FBLN5: variants seen among roughly 807,000 people sequenced by gnomAD.
FBLN5 encodes fibulin 5, also known as fibulin-5.
FBLN5 carries 24 observed loss-of-function variants against 61.6 expected under a neutral mutation model. The ratio of observed to expected loss-of-function variants is 0.39; its 90% confidence interval spans 0.28 to 0.55. The LOEUF is 0.55. Ranked by LOEUF, FBLN5 falls within the 20% of genes least tolerant of loss-of-function variation. The pLI is 0.65. For missense variants in FBLN5, 470 were observed against 594.1 expected, an observed-to-expected ratio of 0.79 and a Z score of 2.17; for synonymous variants, 213 against 219.8, an observed-to-expected ratio of 0.97 and a Z score of 0.27.
Position 91,910,804 on chromosome 14 carries a change from A to G in FBLN5, c.380-15732T>C, listed in dbSNP as rs948122609. On this transcript the variant is annotated intron_variant, in intron 4 of 10. Transcript: ENST00000342058. ...TGGGGAGAAAGGGATGGCGGGGAGA[A>G]AGATGAAGGTAGAGAAGGGGAGGCA... is the stretch of plus-strand genomic sequence containing the variant. Among the ~76,000 whole-genome samples the G allele has an allele frequency of 3.9e-5, 6 of 152,078 alleles. No individual in the cohort carries two copies. In the East Asian group the frequency reaches 1.2e-3, roughly 29 times the overall value.
intron 10 of FBLN5, among the ~76,000 whole-genome samples, chr14:91,876,515 TG>T (rs201787549): frequency 0.012 from 1,896 of 152,308 alleles, 51 homozygotes; most frequent in African/African-American, 0.044. Context: ...AGAGATTATC[TG>T]GATTGTTTGA....
At chr14:91,919,603 G>T (rs1367400052) in intron 4 of FBLN5, among the ~76,000 whole-genome samples, 1 of 152,162 alleles carries the variant, frequency 6.6e-6, no homozygotes, top group Non-Finnish European at 1.5e-5. Flanking sequence ...AGGTAATTCA[G>T]TTAAAATGAG....
chr14:91,883,962 G>A (rs1332265639), intron 7 of FBLN5, among the ~76,000 whole-genome samples: 1 of 152,214 alleles, frequency 6.6e-6, no homozygotes, highest in Non-Finnish European at 1.5e-5. Context: ...CCCTGTTTGA[G>A]CCTCATTCGA....
chr14:91,878,448 G>A (rs945842406), intron 9 of FBLN5, among the ~76,000 whole-genome samples: 9 of 152,124 alleles, frequency 5.9e-5, no homozygotes, highest in African/African-American at 2.2e-4. Context: ...CTCTGTCTCT[G>A]ACCCTGCCCT....
chr14:91,894,338 G>T (rs1362322985), intron 5 of FBLN5, among the ~76,000 whole-genome samples: 1 of 128,114 alleles, frequency 7.8e-6, no homozygotes, highest in African/African-American at 2.9e-5. Context: ...AGGAGGTAGA[G>T]ATTGCAATGA....
intron 10 of FBLN5, among the ~76,000 whole-genome samples, chr14:91,876,649 C>T (rs74955613): frequency 0.055 from 8,420 of 152,128 alleles, 806 homozygotes; most frequent in African/African-American, 0.19. Context: ...GATGCAGCCA[C>T]AGTCAAGAAG....
intron 4 of FBLN5, among the ~76,000 whole-genome samples, chr14:91,920,779 T>C (rs1352042851): frequency 6.6e-6 from 1 of 152,168 alleles, no homozygotes; most frequent in Non-Finnish European, 1.5e-5. Flanking sequence ...TGGCCCCCAA[T>C]GGTAGCACGA....
Position 91,883,080 on chromosome 14 carries a change from G to A in FBLN5, c.740-4C>T, listed in dbSNP as rs778900358. 1.2e-6 allele frequency: 2 copies of A among 1,613,610 alleles called. No individual in the cohort carries two copies. The highest frequency in any genetic ancestry group is 2.2e-5 in the South Asian group (2 of 91,038). ...GAGAAGCTGCACTCGTCCATATCTG[G>A]GGTGACAAGTCACACCTGCTGTTTG... On this transcript the variant is annotated splice_polypyrimidine_tract_variant and splice_region_variant and intron_variant, in intron 7 of 10. Transcript: ENST00000342058.
intron 1 of FBLN5, chr14:91,946,717 CTCTG>C (rs1566833409): frequency 2.0e-6 from 3 of 1,535,424 alleles, no homozygotes; most frequent in Admixed American, 2.0e-5. Context: ...TTACATGTAT[CTCTG>C]TCTGCAGTTC....
chr14:91,919,181 A>C, intron 4 of FBLN5, among the ~76,000 whole-genome samples: 1 of 151,894 alleles, frequency 6.6e-6, no homozygotes, highest in East Asian at 1.9e-4. Context: ...AAATACAAAA[A>C]TTAGCTGGGC....
At chr14:91,871,336 G>A (rs1888917943) in intron 10 of FBLN5, among the ~76,000 whole-genome samples, 1 of 151,918 alleles carries the variant, frequency 6.6e-6, no homozygotes, top group South Asian at 2.1e-4. Flanking sequence ...TGATGCCTGG[G>A]AAAGGTGGAA....
intron 4 of FBLN5, 68 bp downstream of exon 4, chr14:91,936,879 G>C: frequency 6.3e-7 from 1 of 1,585,742 alleles, no homozygotes; most frequent in Non-Finnish European, 8.7e-7. Context: ...TTTGTGGTGA[G>C]CATGCCAGAT....
chr14:91,882,981 G>A lies in FBLN5; in HGVS notation c.835C>T (p.Leu279=), dbSNP rs1889546583. ...TGGCAGCTTCGGTTGTCATCCAGCA[G>A]GATGTAGCCTGGAGGGCAGGAGCAG... is the stretch of plus-strand genomic sequence containing the variant. The part of the protein sequence containing the change: ...YFCSCPPGYI[L]LDDNRSCQDI... The change falls in exon 8 of 11, where the codon CTG becomes TTG. Residue 279 remains leucine, a synonymous_variant. Coordinates refer to ENST00000342058, the MANE Select transcript of FBLN5 (RefSeq NM_006329.4). The surrounding 1 kb of genome is among the most constrained non-coding windows in gnomAD (Gnocchi z 4.9). The A allele has an allele frequency of 1.9e-6, 3 of 1,614,120 alleles. No homozygotes were observed. In the African/African-American group the frequency reaches 4.0e-5, roughly 22 times the overall value.
intron 4 of FBLN5, among the ~76,000 whole-genome samples, chr14:91,925,924 G>A (rs1324873946): frequency 1.3e-5 from 2 of 152,180 alleles, no homozygotes; most frequent in African/African-American, 4.8e-5. Flanking sequence ...CCAGTACAGT[G>A]GGAGGAGTCA....
intron 1 of FBLN5, chr14:91,946,648 A>G (rs961777117): frequency 1.1e-5 from 14 of 1,329,508 alleles, no homozygotes; most frequent in Non-Finnish European, 1.5e-5. Context: ...AAGTTCTCCA[A>G]GACTTAAGGA....
At chr14:91,881,471 G>C in intron 8 of FBLN5, 53 bp from the exon 9 acceptor site, 1 of 1,608,664 alleles carries the variant, frequency 6.2e-7, no homozygotes, top group Non-Finnish European at 8.5e-7. Flanking sequence ...GGCCAGGCCA[G>C]ACGCGTGGGG....
chr14:91,871,467 C>T (rs1198377343), intron 10 of FBLN5, among the ~76,000 whole-genome samples: 8 of 152,162 alleles, frequency 5.3e-5, no homozygotes, highest in Non-Finnish European at 8.8e-5. Context: ...TTTTCTAAAA[C>T]TTTCAAGGAG....
intron 4 of FBLN5, among the ~76,000 whole-genome samples, chr14:91,896,983 C>G (rs1890254005): frequency 6.6e-6 from 1 of 152,146 alleles, no homozygotes; most frequent in African/African-American, 2.4e-5. Flanking sequence ...GGTCCCTCGG[C>G]TTCAGGTGAT....
chr14:91,876,725 G>A (rs1889180223), intron 10 of FBLN5, among the ~76,000 whole-genome samples: 1 of 152,192 alleles, frequency 6.6e-6, no homozygotes. Context: ...TCCAGAGGGA[G>A]CACAGCCCTG....
Sources: gnomAD v4.1 joint callset for allele counts (sites outside exome capture counted in the v4.1 genomes callset) on GRCh38, gnomAD v4.1.1 for gene constraint, Gnocchi (gnomAD v3.1) non-coding constraint, MANE v1.5 for transcripts, NCBI Gene and HGNC (gene_info 2026-07-23, HGNC 2026-07-21) for gene names.